Variants in PDE9A observed in about 807,000 individuals in gnomAD.
The protein encoded by PDE9A is phosphodiesterase 9A, also known as high affinity cGMP-specific 3',5'-cyclic phosphodiesterase 9A.
Under a neutral mutation model 87.4 loss-of-function variants are expected in PDE9A, and 60 were observed. The ratio of observed to expected loss-of-function variants is 0.69; its 90% CI spans 0.56 to 0.85. The LOEUF is 0.85. Ranked by LOEUF, PDE9A falls within the 40% of genes least tolerant of loss-of-function variation. The probability of loss-of-function intolerance (pLI) is 0.00; values close to 1 mark genes in which losing one functional copy is unlikely to be tolerated. For missense variants in PDE9A, 665 were observed against 779.0 expected, an observed-to-expected ratio of 0.85 and a Z score of 1.74; for synonymous variants, 272 against 279.4, an observed-to-expected ratio of 0.97 and a Z score of 0.27.
rs941729188 is a variant in PDE9A, at chr21:42,704,114, A to C, written c.262+5103A>C. Among the ~76,000 whole-genome samples the C allele has an allele frequency of 6.6e-6, 1 of 152,092 alleles. No individual in the cohort carries two copies. Among genetic ancestry groups the C allele is most frequent in the African/African-American group, 2.4e-5 (1 of 41,402 alleles). On this transcript the variant is annotated intron_variant, in intron 4 of 19. Transcript: ENST00000291539. This position sits in a 1 kb window ranked among gnomAD's most constrained non-coding sequence, Gnocchi z 5.3. ...CAGGTGTTTGTTGAGAGCTGCACAC[A>C]CTTCTGCTGGGCTGGGCAAGACTTC...
chr21:42,750,628 T>C (rs1459410994), intron 8 of PDE9A, among the ~76,000 whole-genome samples: 1 of 152,064 alleles, frequency 6.6e-6, no homozygotes, highest in African/African-American at 2.4e-5. Context: ...CAGGCTGGCG[T>C]GCAGTGGCAC....
At chr21:42,665,663 TGTGTCGC>T (rs2057914550) in intron 1 of PDE9A, among the ~76,000 whole-genome samples, 1 of 152,184 alleles carries the variant, frequency 6.6e-6, no homozygotes, top group Non-Finnish European at 1.5e-5. Context: ...GGAAGCCGGA[TGTGTCGC>T]GTGCAGGTGC....
chr21:42,701,103 A>G (rs1434409956), intron 4 of PDE9A: 1 of 152,236 alleles, frequency 6.6e-6, no homozygotes, highest in Non-Finnish European at 1.5e-5. Context: ...AATATGGTCT[A>G]TCTCCCCATT....
At chr21:42,708,624 G>A (rs1222129404) in intron 4 of PDE9A, among the ~76,000 whole-genome samples, 3 of 152,116 alleles carry the variant, frequency 2.0e-5, no homozygotes, top group South Asian at 2.1e-4. Context: ...GCGCGATCTC[G>A]GCTCACTGCA....
At chr21:42,681,469 G>A (rs555472619) in intron 1 of PDE9A, among the ~76,000 whole-genome samples, 36 of 152,318 alleles carry the variant, frequency 2.4e-4, no homozygotes, top group African/African-American at 7.0e-4. Flanking sequence ...CTTGGTTTCC[G>A]TGTGTAAACA....
At position 42,769,092 on chromosome 21, in the gene PDE9A, G is replaced by A; in HGVS notation, c.1527G>A (p.Lys509=). The A allele has an allele frequency of 6.2e-7, 1 of 1,613,862 alleles. No individual in the cohort carries two copies. Among genetic ancestry groups the A allele is most frequent in the East Asian group, 2.2e-5 (1 of 44,894 alleles). Residue 509 remains lysine, a synonymous_variant, in exon 17 of 20, where the codon AAG becomes AAA. Transcript: ENST00000291539. ...TCATGGACCGAGACAAAGTGACCAA[G>A]GCCACAGCCCAGATTGGGTTCATCA... ...APFMDRDKVT[K]ATAQIGFIKF... is the part of the protein sequence containing the mutation.
chr21:42,708,746 A>G lies in PDE9A; in HGVS notation c.262+9735A>G, dbSNP rs1206381558. 2.6e-5 allele frequency among the ~76,000 whole-genome samples: 4 copies of G among 152,108 alleles called. No individual in the cohort carries two copies. The East Asian group carries it at 7.7e-4, about 29-fold the overall frequency. ...ATTTTTTGTATTTTTAGTAGAGACA[A>G]GGTTTCACCATGTTGGCCAGGCTGA... On this transcript the variant is annotated intron_variant, in intron 4 of 19. Transcript: ENST00000291539.
At chr21:42,668,785 G>C (rs905947249) in intron 1 of PDE9A, among the ~76,000 whole-genome samples, 2 of 152,198 alleles carry the variant, frequency 1.3e-5, no homozygotes, top group African/African-American at 2.4e-5. Context: ...AGGCCAGGCA[G>C]CTCTGAGCGT....
At chr21:42,765,946 G>T (rs2056356890) in intron 15 of PDE9A, among the ~76,000 whole-genome samples, 1 of 152,140 alleles carries the variant, frequency 6.6e-6, no homozygotes, top group Non-Finnish European at 1.5e-5. Flanking sequence ...GGACAAGGTG[G>T]CCAGAGAAGG....
intron 4 of PDE9A, among the ~76,000 whole-genome samples, chr21:42,719,635 G>A (rs1163921260): frequency 5.8e-5 from 5 of 85,986 alleles, no homozygotes; most frequent in Middle Eastern, 0.012. Flanking sequence ...GTGAGAGTCT[G>A]TCTCAAAAAA....
At position 42,770,763 on chromosome 21, in the gene PDE9A, G is replaced by C. The variant is rs778256490; in HGVS notation, c.1651G>C (p.Glu551Gln). The change falls in exon 18 of 20, where the codon GAG (glutamate) becomes CAG (glutamine). Residue 551 changes from glutamate to glutamine, a missense_variant. By Grantham distance (29) the Glu-to-Gln change is conservative (BLOSUM62 2). Transcript: ENST00000291539. ...ACTTTGGGAATCCCGAGATCGCTAC[G>C]AGGAGCTGAAGCGGATAGATGACGC... ...QPLWESRDRY[E>Q]ELKRIDDAMK... is the part of the protein sequence containing the mutation. 5.0e-6 allele frequency: 8 copies of C among 1,614,076 alleles called. No individual in the cohort carries two copies. The highest frequency in any genetic ancestry group is 6.8e-6 in the Non-Finnish European group (8 of 1,179,948).
chr21:42,765,524 G>A (rs372318028), intron 15 of PDE9A, 30 bp downstream of exon 15: 308 of 1,273,042 alleles, frequency 2.4e-4, no homozygotes, highest in Non-Finnish European at 3.5e-4. Context: ...TGGGTGGGCA[G>A]CCAGGCGGTG....
rs148452861 is a variant in PDE9A at position 42,739,496 on chromosome 21, G to T, written c.569-4280G>T. Among the ~76,000 whole-genome samples the T allele has an allele frequency of 3.9e-5, 6 of 152,198 alleles. No individual in the cohort carries two copies. Among genetic ancestry groups the T allele is most frequent in the Admixed American group, 3.9e-4 (6 of 15,286 alleles). On this transcript the variant is annotated intron_variant, in intron 7 of 19. Transcript: ENST00000291539. The surrounding 1 kb of genome is among the most constrained non-coding windows in gnomAD (Gnocchi z 4.1). Reference sequence around the variant, plus strand: ...TCTGCCTCCTCCTGCAGACCTCCCCGCCAGCCCCGTCATTTCATGGCATCT... The same window carrying T: ...TCTGCCTCCTCCTGCAGACCTCCCCTCCAGCCCCGTCATTTCATGGCATCT...
At position 42,675,033 on chromosome 21, in the gene PDE9A, C is replaced by T. The variant is rs2058768349; in HGVS notation, c.70-11159C>T. Among the ~76,000 whole-genome samples the T allele has an allele frequency of 6.6e-6, 1 of 152,168 alleles. No individual in the cohort carries two copies. Among genetic ancestry groups the T allele is most frequent in the Non-Finnish European group, 1.5e-5 (1 of 68,024 alleles). ...GAGAAAATAACTCATCCCCCACTACCCAGAGAAAACCGCTGTTAACACCGA... is the reference window on the plus strand; with the variant it reads ...GAGAAAATAACTCATCCCCCACTACTCAGAGAAAACCGCTGTTAACACCGA... On this transcript the variant is annotated intron_variant, in intron 1 of 19. Transcript: ENST00000291539. This position sits in a 1 kb window ranked among gnomAD's most constrained non-coding sequence, Gnocchi z 4.3.
chr21:42,677,487 T>TCGCAGAGAGGGCGC, intron 1 of PDE9A, among the ~76,000 whole-genome samples: 2 of 152,196 alleles, frequency 1.3e-5, no homozygotes, highest in Non-Finnish European at 2.9e-5. Context: ...GCAGCCAGCC[T>TCGCAGAGAGGGCGC]TGCAGAGAGG....
intron 1 of PDE9A, among the ~76,000 whole-genome samples, chr21:42,666,196 G>A (rs1569107299): frequency 6.6e-6 from 1 of 152,214 alleles, no homozygotes; most frequent in Non-Finnish European, 1.5e-5. Flanking sequence ...AAAGGGCGTG[G>A]CTGCAGCCGG....
At chr21:42,669,942 C>T (rs1027903480) in intron 1 of PDE9A, among the ~76,000 whole-genome samples, 1 of 152,174 alleles carries the variant, frequency 6.6e-6, no homozygotes. Flanking sequence ...ACCAGGTGGG[C>T]ATGCCAGCAT....
At chr21:42,750,061 C>G (rs567016857) in intron 8 of PDE9A, among the ~76,000 whole-genome samples, 42 of 152,262 alleles carry the variant, frequency 2.8e-4, no homozygotes, top group South Asian at 4.1e-4. Context: ...TTGCTTAAAC[C>G]CAGGAGGCAG....
At chr21:42,655,566 C>T (rs1050414544) in intron 1 of PDE9A, among the ~76,000 whole-genome samples, 1 of 152,120 alleles carries the variant, frequency 6.6e-6, no homozygotes, top group Non-Finnish European at 1.5e-5. Context: ...GGGGGAGAGG[C>T]GGATTGACTG....
Sources: gnomAD v4.1 joint callset for allele counts (sites outside exome capture counted in the v4.1 genomes callset) on GRCh38, gnomAD v4.1.1 for gene constraint, Gnocchi (gnomAD v3.1) non-coding constraint, MANE v1.5 for transcripts, NCBI Gene and HGNC (gene_info 2026-07-23, HGNC 2026-07-21) for gene names.